The following PRKCA variants were observed in gnomAD, a reference collection of about 807,000 sequenced individuals.
The protein encoded by PRKCA is protein kinase C alpha, also known as protein kinase C alpha type.
Under a neutral mutation model 87.0 loss-of-function variants are expected in PRKCA, and 27 were observed. The observed-to-expected ratio is 0.31, with a 90% CI of 0.23 to 0.43. The LOEUF (loss-of-function observed/expected upper bound fraction) is 0.43. Ranked by LOEUF, PRKCA falls within the 20% of genes least tolerant of loss-of-function variation. The probability of loss-of-function intolerance (pLI) is 1.00; values close to 1 mark genes in which losing one functional copy is unlikely to be tolerated. For synonymous variants in PRKCA, 329 were observed against 311.1 expected, an observed-to-expected ratio of 1.06 and a Z score of -0.61; for missense variants, 518 against 852.3, an observed-to-expected ratio of 0.61 and a Z score of 4.88.
At chr17:66,459,166 A>G (rs189783965) in intron 2 of PRKCA, among the ~76,000 whole-genome samples, 4 of 151,420 alleles carry the variant, frequency 2.6e-5, no homozygotes, top group Admixed American at 2.6e-4. Context: ...TCAGCCCAGG[A>G]GTTCAAGTCC....
At chr17:66,332,716 G>A (rs1906416854) in intron 2 of PRKCA, among the ~76,000 whole-genome samples, 1 of 149,198 alleles carries the variant, frequency 6.7e-6, no homozygotes, top group South Asian at 2.1e-4. Flanking sequence ...TTTTGAGATG[G>A]AGTCTCGCTC....
intron 2 of PRKCA, among the ~76,000 whole-genome samples, chr17:66,395,334 G>A (rs1910601067): frequency 6.6e-6 from 1 of 152,044 alleles, no homozygotes; most frequent in Admixed American, 6.6e-5. Context: ...AAAGAGTGAG[G>A]GAAACTAACT....
chr17:66,522,508 C>T (rs555612818), intron 3 of PRKCA, among the ~76,000 whole-genome samples: 1 of 152,156 alleles, frequency 6.6e-6, no homozygotes, highest in African/African-American at 2.4e-5. Context: ...GAAATGGAAG[C>T]TCCTGTTTGT....
rs113188114 is a variant in PRKCA, at chr17:66,700,320, A to G, written c.918+11273A>G. On this transcript the variant is annotated intron_variant, in intron 8 of 16. Transcript: ENST00000413366. The stretch of plus-strand genomic sequence containing the variant: ...AATGTACCTCAACACAGTAATAGCC[A>G]TTTATGACAAGCCCACAGCTAACAT... 2.0e-5 allele frequency among the ~76,000 whole-genome samples: 3 copies of G among 152,358 alleles called. 1 individual carries two copies. The highest frequency in any genetic ancestry group is 7.2e-5 in the African/African-American group (3 of 41,574).
chr17:66,508,648 T>C (rs182986663), intron 3 of PRKCA, among the ~76,000 whole-genome samples: 40 of 152,298 alleles, frequency 2.6e-4, no homozygotes, highest in African/African-American at 8.2e-4. Flanking sequence ...CTTGGTTGTC[T>C]CCATCTTTTT....
chr17:66,455,748 C>T (rs1914550716), intron 2 of PRKCA, among the ~76,000 whole-genome samples: 1 of 152,162 alleles, frequency 6.6e-6, no homozygotes, highest in African/African-American at 2.4e-5. Flanking sequence ...CTGCCTTCTG[C>T]TCTTTTCCTC....
At chr17:66,326,436 A>G (rs1006815729) in intron 2 of PRKCA, among the ~76,000 whole-genome samples, 1 of 152,204 alleles carries the variant, frequency 6.6e-6, no homozygotes, top group Non-Finnish European at 1.5e-5. Context: ...TGATGATATA[A>G]AACAAGTGTG....
rs1025381258 is a variant in PRKCA at position 66,738,768 on chromosome 17, G to A, written c.1235G>A (p.Arg412Gln). The change falls in exon 11 of 17, where the codon CGG becomes CAG. Residue 412 changes from arginine (R) to glutamine (Q), a missense_variant. Around this residue, in one of 5 missense-constraint regions of PRKCA, gnomAD observed 300 missense variants for 496.8 expected, o/e 0.60. Transcript: ENST00000413366. ...GTGTTGAACCTTGGTCTGCAGGATCGGCTGTACTTCGTCATGGAATATGTC... is the reference window on the plus strand; with the variant it reads ...GTGTTGAACCTTGGTCTGCAGGATCAGCTGTACTTCGTCATGGAATATGTC... ...QLHSCFQTVD[R>Q]LYFVMEYVNG... 3.7e-6 allele frequency: 6 copies of A among 1,613,578 alleles called. No individual in the cohort carries two copies. Among genetic ancestry groups the A allele is most frequent in the Non-Finnish European group, 5.1e-6 (6 of 1,179,810 alleles).
chr17:66,796,669 T>C (rs961313256), intron 16 of PRKCA: 46 of 985,192 alleles, frequency 4.7e-5, no homozygotes, highest in Non-Finnish European at 5.4e-5. Context: ...GATAGCTCCT[T>C]AGTATGGACA....
At chr17:66,647,603 A>G (rs910748352) in intron 5 of PRKCA, among the ~76,000 whole-genome samples, 1 of 152,238 alleles carries the variant, frequency 6.6e-6, no homozygotes, top group African/African-American at 2.4e-5. Context: ...AGCCTTGCAG[A>G]TCTAAAACTG....
intron 3 of PRKCA, among the ~76,000 whole-genome samples, chr17:66,612,484 T>G (rs1401315904): frequency 6.6e-6 from 1 of 151,818 alleles, no homozygotes; most frequent in Non-Finnish European, 1.5e-5. Flanking sequence ...TGTAACCTAA[T>G]TTTAGGGCTC....
chr17:66,609,725 T>G (rs1475321180), intron 3 of PRKCA, among the ~76,000 whole-genome samples: 1 of 151,708 alleles, frequency 6.6e-6, no homozygotes, highest in Non-Finnish European at 1.5e-5. Flanking sequence ...TACCACCTAA[T>G]TGAGACTAAA....
At chr17:66,357,141 C>G (rs1908109680) in intron 2 of PRKCA, among the ~76,000 whole-genome samples, 1 of 152,070 alleles carries the variant, frequency 6.6e-6, no homozygotes, top group Non-Finnish European at 1.5e-5. Flanking sequence ...AATGAGGGTC[C>G]CAGGCTAACA....
intron 8 of PRKCA, among the ~76,000 whole-genome samples, chr17:66,697,163 C>T (rs562986154): frequency 4.6e-5 from 7 of 152,358 alleles, no homozygotes; most frequent in African/African-American, 1.7e-4. Context: ...TGATTTGAAG[C>T]ACATTGTCAG....
chr17:66,517,166 C>T (rs1045011689), intron 3 of PRKCA, among the ~76,000 whole-genome samples: 4 of 152,064 alleles, frequency 2.6e-5, no homozygotes, highest in Non-Finnish European at 5.9e-5. Flanking sequence ...CACCTGTAGT[C>T]CCAGCTACTT....
At chr17:66,630,012 A>G (rs766542868) in intron 3 of PRKCA, among the ~76,000 whole-genome samples, 2 of 152,144 alleles carry the variant, frequency 1.3e-5, no homozygotes, top group Non-Finnish European at 2.9e-5. Flanking sequence ...TCTCTGTGCT[A>G]TTTTTACAGC....
At chr17:66,484,072 G>A (rs1007820598) in intron 2 of PRKCA, among the ~76,000 whole-genome samples, 4 of 152,128 alleles carry the variant, frequency 2.6e-5, no homozygotes, top group Admixed American at 6.6e-5. Flanking sequence ...TGAAAGTCTC[G>A]CCTTACATGG....
chr17:66,693,624 T>C (rs995088106), intron 8 of PRKCA, among the ~76,000 whole-genome samples: 1 of 152,196 alleles, frequency 6.6e-6, no homozygotes, highest in African/African-American at 2.4e-5. Context: ...GTGATGAGGC[T>C]CACGGCCAGA....
At chr17:66,451,652 C>T (rs967382855) in intron 2 of PRKCA, among the ~76,000 whole-genome samples, 10 of 152,080 alleles carry the variant, frequency 6.6e-5, no homozygotes, top group Admixed American at 6.6e-5. Context: ...GGTCAGGAGC[C>T]TGGATAAGGA....
Sources: gnomAD v4.1 joint callset for allele counts (sites outside exome capture counted in the v4.1 genomes callset) on GRCh38, gnomAD v4.1.1 for gene constraint, gnomAD v4.1.1 regional missense constraint, MANE v1.5 for transcripts, NCBI Gene and HGNC (gene_info 2026-07-23, HGNC 2026-07-21) for gene names.